Variants in CSRNP3 observed in about 807,000 individuals in gnomAD.
The protein encoded by CSRNP3 is cysteine and serine rich nuclear protein 3.
A neutral mutation model predicts 48.0 loss-of-function variants in CSRNP3; 12 were observed. The ratio of observed to expected loss-of-function variants is 0.25; its 90% CI spans 0.16 to 0.41. CSRNP3 has a LOEUF of 0.41. Among genes scored for constraint, CSRNP3 ranks in the 10% least tolerant of loss-of-function variants. The pLI, the probability that CSRNP3 is intolerant of heterozygous loss-of-function variation, is 1.00. For missense variants in CSRNP3, 580 were observed against 724.4 expected (o/e 0.80, Z 2.29); for synonymous variants, 263 against 269.7 (o/e 0.98, Z 0.24).
At chr2:165,632,152 A>G (rs182035488) in intron 4 of CSRNP3, among the ~76,000 whole-genome samples, 1 of 152,342 alleles carries the variant, frequency 6.6e-6, no homozygotes, top group East Asian at 1.9e-4. Flanking sequence ...TAGCATAGGT[A>G]TTAATTCTGA....
intron 4 of CSRNP3, among the ~76,000 whole-genome samples, chr2:165,625,703 C>T (rs1450387364): frequency 6.6e-6 from 1 of 151,606 alleles, no homozygotes; most frequent in African/African-American, 2.4e-5. Flanking sequence ...GCAATCCTAG[C>T]ACTTTGGGAG....
intron 3 of CSRNP3, among the ~76,000 whole-genome samples, chr2:165,526,824 G>A (rs1684737857): frequency 6.6e-6 from 1 of 152,102 alleles, no homozygotes; most frequent in South Asian, 2.1e-4. Context: ...ACAGAGATGG[G>A]CCAGGAATTT....
chr2:165,575,151 CAA>C (rs1685428090), intron 3 of CSRNP3, among the ~76,000 whole-genome samples: 1 of 152,116 alleles, frequency 6.6e-6, no homozygotes, highest in East Asian at 1.9e-4. Flanking sequence ...ACAGACAGGA[CAA>C]AAGTCTTCTT....
At chr2:165,519,106 A>G (rs1261185536) in intron 3 of CSRNP3, among the ~76,000 whole-genome samples, 1 of 152,062 alleles carries the variant, frequency 6.6e-6, no homozygotes, top group African/African-American at 2.4e-5. Flanking sequence ...TTCCATTACA[A>G]CCCACACCCA....
intron 4 of CSRNP3, among the ~76,000 whole-genome samples, chr2:165,645,238 G>A (rs1283483327): frequency 6.6e-6 from 1 of 152,134 alleles, no homozygotes; most frequent in African/African-American, 2.4e-5. Context: ...GAAGGCTGAG[G>A]CATGAGAATT....
intron 1 of CSRNP3, among the ~76,000 whole-genome samples, chr2:165,471,938 T>G (rs2105442575): frequency 6.6e-6 from 1 of 152,132 alleles, no homozygotes; most frequent in African/African-American, 2.4e-5. Context: ...ATGAAAACCA[T>G]GTAAGGCTTT....
intron 4 of CSRNP3, among the ~76,000 whole-genome samples, chr2:165,650,541 A>G (rs1475558001): frequency 6.6e-6 from 1 of 152,230 alleles, no homozygotes; most frequent in African/African-American, 2.4e-5. Context: ...CTGTTATGCT[A>G]ATTTCTATAC....
At chr2:165,475,670 A>T (rs1276309438) in intron 1 of CSRNP3, among the ~76,000 whole-genome samples, 1 of 152,202 alleles carries the variant, frequency 6.6e-6, no homozygotes, top group Non-Finnish European at 1.5e-5. Context: ...TCAGATAGTC[A>T]TCTAGCCTCC....
Position 165,668,393 on chromosome 2 carries a change from C to CT in CSRNP3, c.409-7916dup, listed in dbSNP as rs1307323968. ...TGTGTCTGAATCATATCCTTTCTTTCTTTCTTTCTTTTTTTTTTTTTTTTT... is the reference window on the plus strand; with the variant it reads ...TGTGTCTGAATCATATCCTTTCTTTCTTTTCTTTCTTTTTTTTTTTTTTTTT... On this transcript the variant is annotated intron_variant, in intron 5 of 6. Coordinates refer to ENST00000651982, the MANE Select transcript of CSRNP3 (RefSeq NM_001172173.2). Among the ~76,000 whole-genome samples, 4 of 123,388 alleles carry CT rather than the reference C, an allele frequency of 3.2e-5. No individual in the cohort carries two copies. In the East Asian group the frequency reaches 9.3e-4, roughly 29 times the overall value. The allele number at this position is 123,388 out of a possible 152,430, so 80.9% of individuals were successfully genotyped here. A position where few individuals can be genotyped will look rare whatever the true frequency, so the allele number is the denominator to read the frequency against.
At chr2:165,559,355 C>T (rs1685200964) in intron 3 of CSRNP3, among the ~76,000 whole-genome samples, 1 of 152,120 alleles carries the variant, frequency 6.6e-6, no homozygotes, top group African/African-American at 2.4e-5. Context: ...ACTTGTTCTA[C>T]ATGGTGTAAT....
chr2:165,470,088 G>A lies in CSRNP3; in HGVS notation c.-283+348G>A, dbSNP rs183218399. Among the ~76,000 whole-genome samples, 520 of 152,240 alleles carry A rather than the reference G, an allele frequency of 3.4e-3. 4 individuals carry two copies. The highest frequency in any genetic ancestry group is 6.8e-3 in the Middle Eastern group (2 of 294). On this transcript the variant is annotated intron_variant, in intron 1 of 6. Transcript: ENST00000651982. ...TCAAGCTTGTTACTAGGAATCGCAGGAAGGATGAGAAAACCTCGGTAAATT... is the reference window on the plus strand; with the variant it reads ...TCAAGCTTGTTACTAGGAATCGCAGAAAGGATGAGAAAACCTCGGTAAATT...
At chr2:165,651,657 C>CTTTTT (rs35970195) in intron 4 of CSRNP3, among the ~76,000 whole-genome samples, 2 of 132,218 alleles carry the variant, frequency 1.5e-5, no homozygotes, top group Non-Finnish European at 3.2e-5. Flanking sequence ...ATTTTGAAAG[C>CTTTTT]TTTTTTTTTT....
chr2:165,527,577 C>T (rs1444731210), intron 3 of CSRNP3, among the ~76,000 whole-genome samples: 3 of 146,690 alleles, frequency 2.0e-5, no homozygotes, highest in Non-Finnish European at 4.4e-5. Context: ...ATATAAATAT[C>T]ACACACACAC....
Position 165,579,809 on chromosome 2 carries a change from A to G in CSRNP3, c.-23-15234A>G, listed in dbSNP as rs186576111. Reference sequence around the variant, plus strand: ...TTCCAAAAGAAATTTAGAAAAATATATCTACATTTTTACTTAAAAATTATT... The same window carrying G: ...TTCCAAAAGAAATTTAGAAAAATATGTCTACATTTTTACTTAAAAATTATT... On this transcript the variant is annotated intron_variant, in intron 3 of 6. Coordinates refer to ENST00000651982, the MANE Select transcript of CSRNP3 (RefSeq NM_001172173.2). Among the ~76,000 whole-genome samples the G allele has an allele frequency of 1.9e-3, 292 of 152,156 alleles. 1 individual carries two copies. The highest frequency in any genetic ancestry group is 9.6e-3 in the Admixed American group (147 of 15,272).
At chr2:165,554,833 T>C (rs532689378) in intron 3 of CSRNP3, among the ~76,000 whole-genome samples, 1 of 152,276 alleles carries the variant, frequency 6.6e-6, no homozygotes, top group South Asian at 2.1e-4. Context: ...TCTATTTCAC[T>C]CAGAGTAAAA....
chr2:165,531,492 G>C (rs1684811022), intron 3 of CSRNP3, among the ~76,000 whole-genome samples: 1 of 152,190 alleles, frequency 6.6e-6, no homozygotes, highest in African/African-American at 2.4e-5. Context: ...ATGAGTGAGA[G>C]AGAACATGCG....
At chr2:165,671,152 A>G (rs1286077559) in intron 5 of CSRNP3, among the ~76,000 whole-genome samples, 1 of 152,228 alleles carries the variant, frequency 6.6e-6, no homozygotes, top group Non-Finnish European at 1.5e-5. Flanking sequence ...CTCTGTAAGT[A>G]TGTCTTAGAG....
rs1163568230 is a variant in CSRNP3, at chr2:165,667,022, G to C, written c.408+9002G>C. On this transcript the variant is annotated intron_variant, in intron 5 of 6. Coordinates refer to ENST00000651982, the MANE Select transcript of CSRNP3 (RefSeq NM_001172173.2). ...GAGAGAGAGGAAGGAAGGAAGGAAA[G>C]AGAGAGAGGAAGAAAGAAAGAGAGA... Among the ~76,000 whole-genome samples the C allele has an allele frequency of 3.4e-4, 10 of 29,666 alleles. 3 individuals carry two copies. The highest frequency in any genetic ancestry group is 1.1e-3 in the Non-Finnish European group (10 of 9,242). 19.5% of individuals were successfully genotyped at this position (29,666 alleles called of 152,430 possible).
At chr2:165,659,628 A>G (rs1687064872) in intron 5 of CSRNP3, among the ~76,000 whole-genome samples, 1 of 152,220 alleles carries the variant, frequency 6.6e-6, no homozygotes, top group Non-Finnish European at 1.5e-5. Flanking sequence ...TCTTTTGTCA[A>G]CTAAAGACAC....
Sources: gnomAD v4.1 joint callset for allele counts (sites outside exome capture counted in the v4.1 genomes callset) on GRCh38, gnomAD v4.1.1 for gene constraint, MANE v1.5 for transcripts, NCBI Gene and HGNC (gene_info 2026-07-23, HGNC 2026-07-21) for gene names.